Variants in LRRC9 observed in about 807,000 individuals in gnomAD.
LRRC9 encodes the protein leucine-rich repeat-containing protein 9.
Under a neutral mutation model 63.2 loss-of-function variants are expected in LRRC9, and 122 were observed. The ratio of observed to expected loss-of-function variants is 1.93; its 90% CI spans 1.67 to 2.24. LRRC9 has a LOEUF of 2.24. Ranked by LOEUF, LRRC9 falls within the 30% of genes most tolerant of loss-of-function variation. The probability of loss-of-function intolerance (pLI) is 0.00; values close to 1 mark genes in which losing one functional copy is unlikely to be tolerated. For synonymous variants in LRRC9, 366 were observed against 213.1 expected (o/e 1.72, Z -6.25); for missense variants, 1,071 against 627.7 (o/e 1.71, Z -7.55).
intron 29 of LRRC9, among the ~76,000 whole-genome samples, chr14:60,040,687 C>A (rs1367943438): frequency 6.6e-6 from 1 of 151,950 alleles, no homozygotes; most frequent in East Asian, 1.9e-4. Flanking sequence ...GAATACAGCA[C>A]ACCAATGGGT....
In LRRC9 at chr14:59,958,290, T is replaced by C. The variant is rs976723536; in HGVS notation, c.883-1528T>C. On this transcript the variant is annotated intron_variant, in intron 8 of 31. Coordinates refer to ENST00000445360, the Ensembl canonical transcript of LRRC9. This position sits in a 1 kb window ranked among gnomAD's most constrained non-coding sequence, Gnocchi z 4.0. ...CTCTGTCCCAGGGAAGTGGGGTTTT[T>C]GTGTGTAAACCCCTTACTGGGGCTG... Among the ~76,000 whole-genome samples the C allele has an allele frequency of 5.9e-5, 9 of 152,212 alleles. No homozygotes were observed. Among genetic ancestry groups the C allele is most frequent in the Non-Finnish European group, 2.9e-5 (2 of 68,034 alleles).
Position 60,017,027 on chromosome 14 carries a change from C to A in LRRC9, c.3317+237C>A, listed in dbSNP as rs148571005. ...TCAATCGATCCTCCGACTATAGGCACGCACCACCAAGCATGGCTAATTTTC... is the reference window on the plus strand; with the variant it reads ...TCAATCGATCCTCCGACTATAGGCAAGCACCACCAAGCATGGCTAATTTTC... On this transcript the variant is annotated intron_variant, in intron 24 of 31. Transcript: ENST00000445360. The surrounding 1 kb of genome is among the most constrained non-coding windows in gnomAD (Gnocchi z 4.0). Among the ~76,000 whole-genome samples, 1 of 151,858 alleles carries A rather than the reference C, an allele frequency of 6.6e-6. No homozygotes were observed. Among genetic ancestry groups the A allele is most frequent in the African/African-American group, 2.4e-5 (1 of 41,330 alleles).
rs1893881795 is a variant in LRRC9 at position 60,051,424 on chromosome 14, T to C, written c.3991-1641T>C. Among the ~76,000 whole-genome samples the C allele has an allele frequency of 6.6e-6, 1 of 152,232 alleles. No homozygotes were observed. The highest frequency in any genetic ancestry group is 6.5e-5 in the Admixed American group (1 of 15,288). The stretch of plus-strand genomic sequence containing the variant: ...CTCCTCGTCCAGACCACCTGGACTC[T>C]CTACAGATGGCAGGCTGGAACGCTG... On this transcript the variant is annotated intron_variant, in intron 29 of 31. Coordinates refer to ENST00000445360, the Ensembl canonical transcript of LRRC9. The surrounding 1 kb of genome is among the most constrained non-coding windows in gnomAD (Gnocchi z 4.7).
chr14:59,951,783 G>T (rs1417202686), intron 8 of LRRC9, among the ~76,000 whole-genome samples: 1 of 151,368 alleles, frequency 6.6e-6, no homozygotes, highest in African/African-American at 2.5e-5. Context: ...TGCCCCTGCT[G>T]GGGGGTAGGC....
In LRRC9 at chr14:59,928,491, G is replaced by A. The variant is rs917566270; in HGVS notation, c.267+5G>A. 1.7e-5 allele frequency: 11 copies of A among 637,222 alleles called. No homozygotes were observed. The highest frequency in any genetic ancestry group is 3.3e-4 in the Middle Eastern group (1 of 3,004). The allele number at this position is 637,222 out of a possible 1,614,324, so 39.5% of individuals were successfully genotyped here. On this transcript the variant is annotated splice_donor_5th_base_variant and intron_variant, in intron 3 of 31. Coordinates refer to ENST00000445360, the Ensembl canonical transcript of LRRC9. ...ATTGCTGAGTGCTGCATAGAGGTAA[G>A]TGTAAACATAAAACCTCACATGGAG...
chr14:59,956,040 A>T (rs114236427), intron 8 of LRRC9, among the ~76,000 whole-genome samples: 1,527 of 152,282 alleles, frequency 0.01, 21 homozygotes, highest in African/African-American at 0.035. Flanking sequence ...GCATTTGCTC[A>T]GGAGTATTTT....
At chr14:59,924,243 C>G (rs887492777) in intron 1 of LRRC9, among the ~76,000 whole-genome samples, 1 of 152,178 alleles carries the variant, frequency 6.6e-6, no homozygotes, top group Non-Finnish European at 1.5e-5. Context: ...AAGGGTTTCT[C>G]TTTCCACGAG....
rs747693420 is a variant in LRRC9, at chr14:59,964,006, C to T, written c.1212-2583C>T. On this transcript the variant is annotated intron_variant, in intron 10 of 31. Coordinates refer to ENST00000445360, the Ensembl canonical transcript of LRRC9. The surrounding 1 kb of genome is among the most constrained non-coding windows in gnomAD (Gnocchi z 4.4). ...TTTCTGTGTAACTGAATATATTAGTCATTGATATATATCATTGTGAATGTT... is the reference window on the plus strand; with the variant it reads ...TTTCTGTGTAACTGAATATATTAGTTATTGATATATATCATTGTGAATGTT... Among the ~76,000 whole-genome samples, 13 of 152,158 alleles carry T rather than the reference C, an allele frequency of 8.5e-5. No homozygotes were observed. The highest frequency in any genetic ancestry group is 1.8e-4 in the Non-Finnish European group (12 of 68,030).
intron 30 of LRRC9, chr14:60,054,091 T>G (rs902762120): frequency 3.0e-6 from 1 of 328,446 alleles, no homozygotes; most frequent in African/African-American, 2.2e-5. Context: ...TTAAACTGAA[T>G]AGGAAAGAGA....
At chr14:60,028,149 C>A in intron 28 of LRRC9, 48 bp downstream of exon 28, 1 of 656,592 alleles carries the variant, frequency 1.5e-6, no homozygotes, top group Non-Finnish European at 2.7e-6. Flanking sequence ...TTTAGTTTCT[C>A]TGAGTTCTGA....
intron 31 of LRRC9, among the ~76,000 whole-genome samples, chr14:60,059,512 T>C (rs1268163227): frequency 6.6e-6 from 1 of 152,136 alleles, no homozygotes; most frequent in Non-Finnish European, 1.5e-5. Context: ...AAGTTGTGAA[T>C]GCAAAGGAAA....
chr14:59,996,698 A>G (rs181947176), intron 17 of LRRC9, among the ~76,000 whole-genome samples: 57 of 152,338 alleles, frequency 3.7e-4, no homozygotes, highest in African/African-American at 1.3e-3. Context: ...ATTTGAGAAA[A>G]TGGGTATTCT....
exon 14 of LRRC9, chr14:59,977,232 C>T: frequency 1.5e-6 from 1 of 673,518 alleles, no homozygotes; most frequent in South Asian, 1.6e-5. Flanking sequence ...TAGGCATCCT[C>T]CTCATTACAA....
chr14:59,982,428 C>T (rs1464451941), intron 16 of LRRC9, among the ~76,000 whole-genome samples: 2 of 152,142 alleles, frequency 1.3e-5, no homozygotes, highest in Non-Finnish European at 2.9e-5. Flanking sequence ...GCTCATCGTT[C>T]TGGAGGCTGG....
At chr14:59,995,805 T>C (rs1007555216) in intron 17 of LRRC9, among the ~76,000 whole-genome samples, 1 of 152,066 alleles carries the variant, frequency 6.6e-6, no homozygotes, top group African/African-American at 2.4e-5. Flanking sequence ...TGCAGTGGCA[T>C]GATCTTGGCT....
At chr14:60,002,660 C>CA (rs1889481280) in intron 20 of LRRC9, among the ~76,000 whole-genome samples, 1 of 151,822 alleles carries the variant, frequency 6.6e-6, no homozygotes, top group Non-Finnish European at 1.5e-5. Context: ...TGTCATATTC[C>CA]AAAAAATAAA....
intron 15 of LRRC9, 64 bp downstream of exon 15, chr14:59,978,196 T>C (rs1886525087): frequency 1.5e-6 from 1 of 681,530 alleles, no homozygotes; most frequent in Non-Finnish European, 2.7e-6. Flanking sequence ...AAAGTAGTAA[T>C]TTGAAGTCGA....
At chr14:60,046,868 T>C (rs1893475155) in intron 29 of LRRC9, among the ~76,000 whole-genome samples, 1 of 152,228 alleles carries the variant, frequency 6.6e-6, no homozygotes, top group Admixed American at 6.5e-5. Flanking sequence ...ATTTTCACAA[T>C]ATTGATTCTT....
Position 60,020,785 on chromosome 14 carries a change from T to C in LRRC9, c.3566+1525T>C, listed in dbSNP as rs908217999. 5.9e-5 allele frequency among the ~76,000 whole-genome samples: 9 copies of C among 152,096 alleles called. No homozygotes were observed. The South Asian group carries it at 1.0e-3, about 17-fold the overall frequency. The stretch of plus-strand genomic sequence containing the variant: ...ATGTTTTCAAGGTTCATTCACATTA[T>C]GGCATGTGTTAGTAGTTCCCTCCTT... On this transcript the variant is annotated intron_variant, in intron 26 of 31. Coordinates refer to ENST00000445360, the Ensembl canonical transcript of LRRC9.
Sources: gnomAD v4.1 joint callset for allele counts (sites outside exome capture counted in the v4.1 genomes callset) on GRCh38, gnomAD v4.1.1 for gene constraint, Gnocchi (gnomAD v3.1) non-coding constraint, MANE v1.5 for transcripts, NCBI Gene and HGNC (gene_info 2026-07-23, HGNC 2026-07-21) for gene names.